Variants in FRAS1 observed in about 807,000 individuals in gnomAD.
The protein encoded by FRAS1 is extracellular matrix organizing protein FRAS1.
In FRAS1, 290 loss-of-function variants were observed where a neutral mutation model predicts 435.2. The ratio of observed to expected loss-of-function variants is 0.67; its 90% CI spans 0.61 to 0.73. The LOEUF (loss-of-function observed/expected upper bound fraction) is 0.73. Ranked by LOEUF, FRAS1 falls within the 30% of genes least tolerant of loss-of-function variation. The pLI is 0.00. For synonymous variants in FRAS1, 1,800 were observed against 1,851.0 expected, an observed-to-expected ratio of 0.97 and a Z score of 0.71; for missense variants, 4,860 against 5,001.5, an observed-to-expected ratio of 0.97 and a Z score of 0.85.
intron 29 of FRAS1, among the ~76,000 whole-genome samples, chr4:78,393,097 T>A (rs1200819592): frequency 6.6e-6 from 1 of 151,704 alleles, no homozygotes; most frequent in Non-Finnish European, 1.5e-5. Flanking sequence ...ACAACTTGAG[T>A]TTGAGGATAA....
rs1719828443 is a variant in FRAS1 at position 78,475,500 on chromosome 4, A to G, written c.7745A>G (p.Asn2582Ser). The G allele has an allele frequency of 6.2e-7, 1 of 1,613,818 alleles. No homozygotes were observed. The highest frequency in any genetic ancestry group is 1.3e-5 in the African/African-American group (1 of 74,926). ...ACGGTGCAGAGGACTGGGAACCTGA[A>G]CCAATATGCCATCGTCCTGTGTCGC... Reference protein sequence around the residue: ...SVTVQRTGNLNQYAIVLCRTE... With the variant: ...SVTVQRTGNLSQYAIVLCRTE... Residue 2582 changes from asparagine (N) to serine (S), a missense_variant, in exon 54 of 74, where the codon AAC becomes AGC. By Grantham distance (46) the Asn-to-Ser change is conservative (BLOSUM62 1). Coordinates refer to ENST00000512123, the MANE Select transcript of FRAS1 (RefSeq NM_025074.7).
At position 78,065,776 on chromosome 4, in the gene FRAS1, C is replaced by T. The variant is rs565582752; in HGVS notation, c.77-209C>T. Among the ~76,000 whole-genome samples, 383 of 152,250 alleles carry T rather than the reference C, an allele frequency of 2.5e-3. 2 individuals carry two copies. The highest frequency in any genetic ancestry group is 3.7e-3 in the Non-Finnish European group (253 of 68,008). On this transcript the variant is annotated intron_variant, in intron 1 of 73. Transcript: ENST00000512123. ...ATTCAAGTCATAAGTTTTAATGATG[C>T]TTTTCCTCATGTGTGTCCAAGGAAT... is the stretch of plus-strand genomic sequence containing the variant.
intron 69 of FRAS1, among the ~76,000 whole-genome samples, chr4:78,523,022 C>A (rs1721434921): frequency 6.6e-6 from 1 of 152,092 alleles, no homozygotes; most frequent in South Asian, 2.1e-4. Flanking sequence ...CTGCAGTTAG[C>A]CATGATGCCA....
At chr4:78,488,428 C>T (rs1312921233) in intron 58 of FRAS1, among the ~76,000 whole-genome samples, 1 of 152,152 alleles carries the variant, frequency 6.6e-6, no homozygotes, top group Non-Finnish European at 1.5e-5. Context: ...GGCCCCAAGA[C>T]CAATGTGAGT....
chr4:78,403,058 A>G (rs565653663), intron 30 of FRAS1, among the ~76,000 whole-genome samples: 3 of 152,292 alleles, frequency 2.0e-5, no homozygotes, highest in African/African-American at 4.8e-5. Flanking sequence ...TCCATTTGTA[A>G]TTAGTAAGTT....
At chr4:78,104,994 T>G (rs2109926615) in intron 2 of FRAS1, among the ~76,000 whole-genome samples, 1 of 152,312 alleles carries the variant, frequency 6.6e-6, no homozygotes, top group Middle Eastern at 3.4e-3. Context: ...TTTTCTGATT[T>G]AGATTGATCA....
chr4:78,501,694 A>G (rs1720686550), intron 61 of FRAS1, among the ~76,000 whole-genome samples: 1 of 152,064 alleles, frequency 6.6e-6, no homozygotes, highest in South Asian at 2.1e-4. Flanking sequence ...TGTGGTTTCA[A>G]TTTGCATTTC....
chr4:78,096,790 C>G (rs1175017636), intron 2 of FRAS1, among the ~76,000 whole-genome samples: 1 of 152,230 alleles, frequency 6.6e-6, no homozygotes, highest in Non-Finnish European at 1.5e-5. Context: ...TCCTAGGCCT[C>G]TAGGCCTGTG....
chr4:78,333,442 C>T, intron 19 of FRAS1, 30 bp downstream of exon 19: 1 of 1,598,240 alleles, frequency 6.3e-7, no homozygotes, highest in Non-Finnish European at 8.5e-7. Flanking sequence ...AGGCACATTG[C>T]CTATGACCAT....
chr4:78,249,063 G>A (rs9307363), intron 4 of FRAS1, among the ~76,000 whole-genome samples: 11 of 4,606 alleles, frequency 2.4e-3, no homozygotes, highest in African/African-American at 2.7e-3. Context: ...ATATATATAT[G>A]CATATATATA....
intron 2 of FRAS1, among the ~76,000 whole-genome samples, chr4:78,164,211 G>A (rs910454712): frequency 2.0e-5 from 3 of 152,284 alleles, no homozygotes; most frequent in East Asian, 3.9e-4. Flanking sequence ...GAAGGGAACC[G>A]TTTGTGTGGG....
intron 28 of FRAS1, among the ~76,000 whole-genome samples, chr4:78,384,694 G>A (rs7678493): frequency 0.022 from 3,396 of 151,652 alleles, 151 homozygotes; most frequent in African/African-American, 0.077. Context: ...AGGAGTTTGA[G>A]GCCAGCCTGG....
In FRAS1 at chr4:78,456,138, C is replaced by CTTTTTTTTTTCTTTTTTT. The variant is rs1553962164; in HGVS notation, c.6763+3794_6763+3795insCTTTTTTTTTTTTTTTTT. ...AGCATTACTTGAAGAACACATGTCA[C>CTTTTTTTTTTCTTTTTTT]TTTTTTTTTTTTTTTTTTTTTTTGA... On this transcript the variant is annotated intron_variant, in intron 47 of 73. Transcript: ENST00000512123. Among the ~76,000 whole-genome samples the CTTTTTTTTTTCTTTTTTT allele has an allele frequency of 5.8e-5, 3 of 51,486 alleles. 1 individual carries two copies. The highest frequency in any genetic ancestry group is 4.1e-5 in the Non-Finnish European group (1 of 24,334). The allele number at this position is 51,486 out of a possible 152,430, so 33.8% of individuals were successfully genotyped here. A position where few individuals can be genotyped will look rare whatever the true frequency, so the allele number is the denominator to read the frequency against.
intron 55 of FRAS1, 84 bp downstream of exon 55, chr4:78,478,145 A>C: frequency 1.0e-5 from 14 of 1,390,206 alleles, no homozygotes; most frequent in South Asian, 1.5e-5. Flanking sequence ...CACTCATCTC[A>C]TGCATTATCT....
intron 51 of FRAS1, among the ~76,000 whole-genome samples, 186 bp downstream of exon 51, chr4:78,470,277 G>A (rs1339875167): frequency 2.6e-5 from 4 of 152,044 alleles, no homozygotes; most frequent in African/African-American, 4.8e-5. Context: ...GATCGGTTAC[G>A]ATTGTGTATA....
chr4:78,463,427 G>A lies in FRAS1; in HGVS notation c.6764-594G>A, dbSNP rs544962361. Among the ~76,000 whole-genome samples, 5 of 152,214 alleles carry A rather than the reference G, an allele frequency of 3.3e-5. No individual in the cohort carries two copies. In the East Asian group the frequency reaches 5.8e-4, roughly 18 times the overall value. ...AATTGCTCATGCCCCAGAGTCAGGCGGTAAGTTTTGTTACTGCCTGACTGG... is the reference window on the plus strand; with the variant it reads ...AATTGCTCATGCCCCAGAGTCAGGCAGTAAGTTTTGTTACTGCCTGACTGG... On this transcript the variant is annotated intron_variant, in intron 47 of 73. Coordinates refer to ENST00000512123, the MANE Select transcript of FRAS1 (RefSeq NM_025074.7).
intron 57 of FRAS1, 148 bp from the exon 58 acceptor site, chr4:78,482,240 A>G (rs981205526): frequency 2.3e-6 from 2 of 887,696 alleles, no homozygotes; most frequent in African/African-American, 1.7e-5. Context: ...TCCGAGTGGC[A>G]TGTAATAAAG....
chr4:78,157,639 C>T lies in FRAS1; in HGVS notation c.109-79871C>T, dbSNP rs572826552. 2.1e-4 allele frequency among the ~76,000 whole-genome samples: 32 copies of T among 152,254 alleles called. 1 individual carries two copies. Among genetic ancestry groups the T allele is most frequent in the African/African-American group, 7.5e-4 (31 of 41,562 alleles). ...CTTTTTAAGAAGTGACTGTTCATGT[C>T]ATTTGCCCACTTTTTAATTTGGTTG... is the stretch of plus-strand genomic sequence containing the variant. On this transcript the variant is annotated intron_variant, in intron 2 of 73. Coordinates refer to ENST00000512123, the MANE Select transcript of FRAS1 (RefSeq NM_025074.7).
chr4:78,473,422 G>C lies in FRAS1; in HGVS notation c.7523-16G>C, dbSNP rs757888145. ...ACATCCCTGGGTTAATTCACAGTGA[G>C]TCTTTTTTCTCACAGAGGATGTGAA... is the stretch of plus-strand genomic sequence containing the variant. On this transcript the variant is annotated splice_polypyrimidine_tract_variant and intron_variant, in intron 52 of 73. Coordinates refer to ENST00000512123, the MANE Select transcript of FRAS1 (RefSeq NM_025074.7). The C allele has an allele frequency of 6.2e-7, 1 of 1,608,118 alleles. No individual in the cohort carries two copies. Among genetic ancestry groups the C allele is most frequent in the South Asian group, 1.1e-5 (1 of 89,962 alleles).
Sources: gnomAD v4.1 joint callset for allele counts (sites outside exome capture counted in the v4.1 genomes callset) on GRCh38, gnomAD v4.1.1 for gene constraint, MANE v1.5 for transcripts, NCBI Gene and HGNC (gene_info 2026-07-23, HGNC 2026-07-21) for gene names.